The following LYPLA2 variants were observed in gnomAD, a reference collection of about 807,000 sequenced individuals.
LYPLA2 encodes the protein lysophospholipase 2.
LYPLA2 carries 7 observed loss-of-function variants against 30.3 expected under a neutral mutation model. The ratio of observed to expected loss-of-function variants is 0.23; its 90% confidence interval spans 0.13 to 0.43. LYPLA2 has a LOEUF of 0.43. LYPLA2 is among the 20% of genes least tolerant of loss of function. The probability of loss-of-function intolerance (pLI) is 1.00; values close to 1 mark genes in which losing one functional copy is unlikely to be tolerated. For synonymous variants in LYPLA2, 112 were observed against 118.2 expected, an observed-to-expected ratio of 0.95 and a Z score of 0.34; for missense variants, 206 against 307.9, an observed-to-expected ratio of 0.67 and a Z score of 2.48.
Position 23,792,774 on chromosome 1 carries a change from T to A in LYPLA2, c.78+14T>A, listed in dbSNP as rs1166354088. The A allele has an allele frequency of 6.2e-7, 1 of 1,607,202 alleles. No homozygotes were observed. Among genetic ancestry groups the A allele is most frequent in the Non-Finnish European group, 8.5e-7 (1 of 1,174,748 alleles). Reference sequence around the variant, plus strand: ...GAAACGGCCGCGGTAAGGGTCCCCTTTCACCCACGGCCAGACACTGTGGGA... The same window carrying A: ...GAAACGGCCGCGGTAAGGGTCCCCTATCACCCACGGCCAGACACTGTGGGA... On this transcript the variant is annotated intron_variant, in intron 2 of 9. Transcript: ENST00000374514.
chr1:23,792,952 A>G, intron 2 of LYPLA2, 56 bp from the exon 3 acceptor site: 1 of 1,573,622 alleles, frequency 6.4e-7, no homozygotes, highest in Non-Finnish European at 8.7e-7. Context: ...GGGTGGGCAG[A>G]AGTTGGAGGA....
At position 23,793,813 on chromosome 1, in the gene LYPLA2, G is replaced by C. The variant is rs779661699; in HGVS notation, c.225-47G>C. 3 of 1,611,786 alleles carry C rather than the reference G, an allele frequency of 1.9e-6. No homozygotes were observed. In the African/African-American group the frequency reaches 4.0e-5, roughly 22 times the overall value. On this transcript the variant is annotated intron_variant, in intron 5 of 9. Transcript: ENST00000374514. The surrounding 1 kb of genome is among the most constrained non-coding windows in gnomAD (Gnocchi z 6.0). ...GACACTTGGGCTGAGGGAGCCACAG[G>C]GGGCTGGCTGGGGTTTTCTATAGCT...
chr1:23,794,221 C>T lies in LYPLA2; in HGVS notation c.370-3C>T. On this transcript the variant is annotated splice_polypyrimidine_tract_variant and splice_region_variant and intron_variant, in intron 7 of 9. Coordinates refer to ENST00000374514, the MANE Select transcript of LYPLA2 (RefSeq NM_007260.3). The surrounding 1 kb of genome is among the most constrained non-coding windows in gnomAD (Gnocchi z 5.9). ...TCATGACCCCTCTCTCTCCTCCCTC[C>T]AGGGCGGGGCCCTGTCCCTCTACAC... 1.2e-6 allele frequency: 2 copies of T among 1,608,986 alleles called. No individual in the cohort carries two copies. The highest frequency in any genetic ancestry group is 1.7e-6 in the Non-Finnish European group (2 of 1,178,242).
rs527596563 is a variant in LYPLA2 at position 23,794,209 on chromosome 1, C to G, written c.370-15C>G. 3.1e-6 allele frequency: 5 copies of G among 1,603,420 alleles called. No individual in the cohort carries two copies. The highest frequency in any genetic ancestry group is 4.3e-6 in the Non-Finnish European group (5 of 1,174,640). On this transcript the variant is annotated splice_polypyrimidine_tract_variant and intron_variant, in intron 7 of 9. Transcript: ENST00000374514. This position sits in a 1 kb window ranked among gnomAD's most constrained non-coding sequence, Gnocchi z 5.9. ...TGAGCTGTGCCCTCATGACCCCTCTCTCTCCTCCCTCCAGGGCGGGGCCCT... is the reference window on the plus strand; with the variant it reads ...TGAGCTGTGCCCTCATGACCCCTCTGTCTCCTCCCTCCAGGGCGGGGCCCT...
chr1:23,794,301 G>A lies in LYPLA2; in HGVS notation c.447G>A (p.Leu149=), dbSNP rs1375290223. ...LAGIVALSCW[L]PLHRAFPQAA... ...GCATCGTGGCGTTGAGCTGCTGGCT[G>A]CCTCTGCACCGGGCCTTCCCCCAGG... Residue 149 remains leucine, a synonymous_variant, in exon 8 of 10, where the codon CTG becomes CTA. Coordinates refer to ENST00000374514, the MANE Select transcript of LYPLA2 (RefSeq NM_007260.3). The surrounding 1 kb of genome is among the most constrained non-coding windows in gnomAD (Gnocchi z 5.9). 3 of 1,612,622 alleles carry A rather than the reference G, an allele frequency of 1.9e-6. No homozygotes were observed. Among genetic ancestry groups the A allele is most frequent in the East Asian group, 4.5e-5 (2 of 44,878 alleles).
rs137894016 is a variant in LYPLA2, at chr1:23,793,166, C to G, written c.126C>G (p.Asp42Glu). 1 of 1,613,916 alleles carries G rather than the reference C, an allele frequency of 6.2e-7. No individual in the cohort carries two copies. The highest frequency in any genetic ancestry group is 1.3e-5 in the African/African-American group (1 of 74,892). Residue 42 changes from aspartate to glutamate, a missense_variant, in exon 4 of 10, where the codon GAC becomes GAG. Asp to Glu is a conservative substitution (Grantham distance 45, BLOSUM62 2). Transcript: ENST00000374514. This position sits in a 1 kb window ranked among gnomAD's most constrained non-coding sequence, Gnocchi z 6.0. ...CCTCCTACAGGCACAGCTGGGCTGA[C>G]GCCCTCTCCACCATCCGGCTCCCTC... is the stretch of plus-strand genomic sequence containing the variant. ...GLGDTGHSWA[D>E]ALSTIRLPHV...
Position 23,794,616 on chromosome 1 carries a change from A to G in LYPLA2, c.645+16A>G, listed in dbSNP as rs764122901. The stretch of plus-strand genomic sequence containing the variant: ...CTGTCCTCAGGTCAGTGGGGGGACC[A>G]TTTCCCACTCCCACTTCTCTGCCTC... On this transcript the variant is annotated intron_variant, in intron 9 of 9. Coordinates refer to ENST00000374514, the MANE Select transcript of LYPLA2 (RefSeq NM_007260.3). The surrounding 1 kb of genome is among the most constrained non-coding windows in gnomAD (Gnocchi z 5.9). The G allele has an allele frequency of 1.9e-6, 3 of 1,613,890 alleles. No individual in the cohort carries two copies. The highest frequency in any genetic ancestry group is 2.5e-6 in the Non-Finnish European group (3 of 1,179,910).
Position 23,794,221 on chromosome 1 carries a change from C to G in LYPLA2, c.370-3C>G. On this transcript the variant is annotated splice_polypyrimidine_tract_variant and splice_region_variant and intron_variant, in intron 7 of 9. Transcript: ENST00000374514. This position sits in a 1 kb window ranked among gnomAD's most constrained non-coding sequence, Gnocchi z 5.9. ...TCATGACCCCTCTCTCTCCTCCCTC[C>G]AGGGCGGGGCCCTGTCCCTCTACAC... 1 of 1,608,986 alleles carries G rather than the reference C, an allele frequency of 6.2e-7. No individual in the cohort carries two copies. The highest frequency in any genetic ancestry group is 2.0e-4 in the Middle Eastern group (1 of 4,960).
In LYPLA2 at chr1:23,793,641, G is replaced by C. The variant is rs1019301722; in HGVS notation, c.177-64G>C. 6.4e-7 allele frequency: 1 copy of C among 1,556,062 alleles called. No individual in the cohort carries two copies. Among genetic ancestry groups the C allele is most frequent in the Non-Finnish European group, 8.9e-7 (1 of 1,127,384 alleles). On this transcript the variant is annotated intron_variant, in intron 4 of 9. Coordinates refer to ENST00000374514, the MANE Select transcript of LYPLA2 (RefSeq NM_007260.3). The surrounding 1 kb of genome is among the most constrained non-coding windows in gnomAD (Gnocchi z 6.0). ...CAGGGGCGGCGCGGCCCCACTCCGG[G>C]CTCTGAGCTCTGGCCTCCTCATTCC...
rs965370085 is a variant in LYPLA2, at chr1:23,795,537, C to G, written c.*805C>G. ...GATAAAATTAAAGAAATTGCTTCCT[C>G]AACGCTCAGGCCTGGCTGATTCTAT... is the stretch of plus-strand genomic sequence containing the variant. On this transcript the variant is annotated 3_prime_UTR_variant, in exon 10 of 10. Coordinates refer to ENST00000374514, the MANE Select transcript of LYPLA2 (RefSeq NM_007260.3). The G allele has an allele frequency of 1.2e-5, 3 of 249,408 alleles. No homozygotes were observed. In the Admixed American group the frequency reaches 1.5e-4, roughly 13 times the overall value. 15.4% of individuals were successfully genotyped at this position (249,408 alleles called of 1,614,324 possible). A position where few individuals can be genotyped will look rare whatever the true frequency, so the allele number is the denominator to read the frequency against.
Position 23,794,231 on chromosome 1 carries a change from C to T in LYPLA2, c.377C>T (p.Ala126Val). The T allele has an allele frequency of 1.2e-6, 2 of 1,610,432 alleles. No individual in the cohort carries two copies. The highest frequency in any genetic ancestry group is 1.7e-6 in the Non-Finnish European group (2 of 1,179,154). ...IVLGGFSQGG[A>V]LSLYTALTCP... ...TCTCTCTCCTCCCTCCAGGGCGGGG[C>T]CCTGTCCCTCTACACGGCCCTCACC... The change falls in exon 8 of 10, where the codon GCC (alanine) becomes GTC (valine). Residue 126 changes from alanine (A) to valine (V), a missense_variant. Physicochemically the swap from Ala to Val is moderately conservative, Grantham distance 64 (BLOSUM62 0). Coordinates refer to ENST00000374514, the MANE Select transcript of LYPLA2 (RefSeq NM_007260.3). This position sits in a 1 kb window ranked among gnomAD's most constrained non-coding sequence, Gnocchi z 5.9.
At chr1:23,792,933 G>A (rs1255722491) in intron 2 of LYPLA2, 75 bp from the exon 3 acceptor site, 6 of 1,521,006 alleles carry the variant, frequency 3.9e-6, no homozygotes, top group Non-Finnish European at 5.4e-6. Flanking sequence ...GTCCTTGGGG[G>A]TGGGGGAGGG....
At position 23,794,501 on chromosome 1, in the gene LYPLA2, G is replaced by A; in HGVS notation, c.546G>A (p.Arg182=). 1 of 1,614,136 alleles carries A rather than the reference G, an allele frequency of 6.2e-7. No individual in the cohort carries two copies. Among genetic ancestry groups the A allele is most frequent in the Non-Finnish European group, 8.5e-7 (1 of 1,179,996 alleles). ...AGCTGGACCCCATGGTGCCCGTACGGTTTGGGGCCCTGACGGCTGAGAAGC... is the reference window on the plus strand; with the variant it reads ...AGCTGGACCCCATGGTGCCCGTACGATTTGGGGCCCTGACGGCTGAGAAGC... The part of the protein sequence containing the change: ...HGELDPMVPV[R]FGALTAEKLR... Residue 182 remains arginine (R), a synonymous_variant, in exon 9 of 10, where the codon CGG becomes CGA. Coordinates refer to ENST00000374514, the MANE Select transcript of LYPLA2 (RefSeq NM_007260.3). This position sits in a 1 kb window ranked among gnomAD's most constrained non-coding sequence, Gnocchi z 5.9.
chr1:23,795,039 C>T lies in LYPLA2; in HGVS notation c.*307C>T. 1.7e-6 allele frequency: 1 copy of T among 596,640 alleles called. No homozygotes were observed. The highest frequency in any genetic ancestry group is 1.8e-5 in the African/African-American group (1 of 54,986). 37.0% of individuals were successfully genotyped at this position (596,640 alleles called of 1,614,324 possible). ...AAAGGGGCCCAGCCGCTGACCCACTCACTCAGGACCTCACTCACTAGCCCC... is the reference window on the plus strand; with the variant it reads ...AAAGGGGCCCAGCCGCTGACCCACTTACTCAGGACCTCACTCACTAGCCCC... On this transcript the variant is annotated 3_prime_UTR_variant, in exon 10 of 10. Transcript: ENST00000374514.
Position 23,793,732 on chromosome 1 carries a change from G to A in LYPLA2, c.204G>A (p.Met68Ile). ...HAPRIPVTLNMKMVMPSWFDL... is the reference protein window; with the variant it reads ...HAPRIPVTLNIKMVMPSWFDL... ...CTAGGATCCCTGTGACCCTCAACAT[G>A]AAGATGGTGATGCCCTCCTGGTGAG... The change falls in exon 5 of 10, where the codon ATG (methionine) becomes ATA (isoleucine). Residue 68 changes from methionine to isoleucine, a missense_variant. Met to Ile is a conservative substitution (Grantham distance 10, BLOSUM62 1). Coordinates refer to ENST00000374514, the MANE Select transcript of LYPLA2 (RefSeq NM_007260.3). The surrounding 1 kb of genome is among the most constrained non-coding windows in gnomAD (Gnocchi z 6.0). The A allele has an allele frequency of 6.2e-7, 1 of 1,614,110 alleles. No individual in the cohort carries two copies. The highest frequency in any genetic ancestry group is 1.3e-5 in the African/African-American group (1 of 75,038).
chr1:23,794,657 C>G lies in LYPLA2; in HGVS notation c.646-25C>G. 1 of 1,614,160 alleles carries G rather than the reference C, an allele frequency of 6.2e-7. No homozygotes were observed. The highest frequency in any genetic ancestry group is 8.5e-7 in the Non-Finnish European group (1 of 1,180,008). ...TCTCTGCCTCCAGCCAGGTGCCTCT[C>G]GTGATCCCCTCTTAATCCCCTCAGG... is the stretch of plus-strand genomic sequence containing the variant. On this transcript the variant is annotated intron_variant, in intron 9 of 9. Transcript: ENST00000374514. The surrounding 1 kb of genome is among the most constrained non-coding windows in gnomAD (Gnocchi z 5.9).
chr1:23,793,555 C>A lies in LYPLA2; in HGVS notation c.177-150C>A. Reference sequence around the variant, plus strand: ...TTTGCCCCAACCACAGCCTCCAGCCCCACGTGGCAGGTTGCCTGGCAACAC... The same window carrying A: ...TTTGCCCCAACCACAGCCTCCAGCCACACGTGGCAGGTTGCCTGGCAACAC... On this transcript the variant is annotated intron_variant, in intron 4 of 9. Transcript: ENST00000374514. This position sits in a 1 kb window ranked among gnomAD's most constrained non-coding sequence, Gnocchi z 6.0. 2 of 795,056 alleles carry A rather than the reference C, an allele frequency of 2.5e-6. No individual in the cohort carries two copies. Among genetic ancestry groups the A allele is most frequent in the East Asian group, 2.4e-5 (1 of 41,144 alleles). The allele number at this position is 795,056 out of a possible 1,614,324, so 49.3% of individuals were successfully genotyped here. A position where few individuals can be genotyped will look rare whatever the true frequency, so the allele number is the denominator to read the frequency against.
Position 23,794,047 on chromosome 1 carries a change from A to G in LYPLA2, c.296-16A>G, listed in dbSNP as rs752300255. The G allele has an allele frequency of 6.2e-7, 1 of 1,611,050 alleles. No individual in the cohort carries two copies. Among genetic ancestry groups the G allele is most frequent in the East Asian group, 2.2e-5 (1 of 44,792 alleles). The stretch of plus-strand genomic sequence containing the variant: ...CTTGGCAGCTTCCCTCTACCCACTC[A>G]TGCCCCCTCCCCCAGTCAAGGCCTT... On this transcript the variant is annotated splice_polypyrimidine_tract_variant and intron_variant, in intron 6 of 9. Coordinates refer to ENST00000374514, the MANE Select transcript of LYPLA2 (RefSeq NM_007260.3). The surrounding 1 kb of genome is among the most constrained non-coding windows in gnomAD (Gnocchi z 5.9).
intron 1 of LYPLA2, among the ~76,000 whole-genome samples, 188 bp downstream of exon 1, chr1:23,791,438 G>C (rs961146925): frequency 3.9e-5 from 6 of 152,144 alleles, no homozygotes; most frequent in African/African-American, 1.4e-4. Flanking sequence ...TGAGTATAAA[G>C]AGACAGACTT....
Sources: allele counts gnomAD v4.1 joint callset (sites outside exome capture counted in the v4.1 genomes callset), GRCh38; gene constraint gnomAD v4.1.1; non-coding constraint Gnocchi (gnomAD v3.1); transcripts MANE v1.5; gene names NCBI Gene and HGNC (gene_info 2026-07-23, HGNC 2026-07-21).